PTPRN2: variants seen among roughly 807,000 people sequenced by gnomAD.
The protein encoded by PTPRN2 is protein tyrosine phosphatase receptor type N2.
PTPRN2 carries 74 observed loss-of-function variants against 118.8 expected under a neutral mutation model. The observed-to-expected ratio is 0.62, with a 90% CI of 0.52 to 0.76. PTPRN2 has a LOEUF of 0.76. Ranked by LOEUF, PTPRN2 falls within the 30% of genes least tolerant of loss-of-function variation. The pLI, the probability that PTPRN2 is intolerant of heterozygous loss-of-function variation, is 0.00. For synonymous variants in PTPRN2, 641 were observed against 608.0 expected, an observed-to-expected ratio of 1.05 and a Z score of -0.80; for missense variants, 1,481 against 1,394.4, an observed-to-expected ratio of 1.06 and a Z score of -0.99.
intron 12 of PTPRN2, among the ~76,000 whole-genome samples, chr7:157,723,403 G>A (rs568754432): frequency 2.0e-5 from 3 of 152,248 alleles, no homozygotes; most frequent in South Asian, 2.1e-4. Flanking sequence ...CTGAGCTCAC[G>A]GCTTCTCCCT....
At chr7:157,913,206 C>G (rs757399132) in intron 11 of PTPRN2, among the ~76,000 whole-genome samples, 4 of 152,104 alleles carry the variant, frequency 2.6e-5, no homozygotes, top group African/African-American at 9.7e-5. Context: ...TTTTAAACAG[C>G]ATTTTCTAAC....
chr7:157,775,579 T>G (rs2151035739), intron 12 of PTPRN2, among the ~76,000 whole-genome samples: 1 of 152,218 alleles, frequency 6.6e-6, no homozygotes, highest in South Asian at 2.1e-4. Context: ...CTGGGAAGGC[T>G]TCGTCCTCGG....
intron 21 of PTPRN2, among the ~76,000 whole-genome samples, chr7:157,561,556 G>T (rs113726723): frequency 3.3e-5 from 5 of 152,318 alleles, no homozygotes; most frequent in East Asian, 3.9e-4. Context: ...GACTGAGCAG[G>T]GTTCTGCATC....
At chr7:158,312,841 T>C (rs1328975803) in intron 3 of PTPRN2, among the ~76,000 whole-genome samples, 2 of 148,540 alleles carry the variant, frequency 1.3e-5, no homozygotes, top group Admixed American at 6.6e-5. Flanking sequence ...CACGTGAGCA[T>C]GGGTGTGTGT....
chr7:158,019,461 C>T (rs1442774087), intron 11 of PTPRN2, among the ~76,000 whole-genome samples: 2 of 152,338 alleles, frequency 1.3e-5, no homozygotes, highest in Non-Finnish European at 2.9e-5. Context: ...TCAGACAGCG[C>T]GGTAGAGGCC....
rs751460970 is a variant in PTPRN2 at position 157,682,928 on chromosome 7, G to A, written c.1798C>T (p.Leu600Phe). The A allele has an allele frequency of 6.2e-6, 10 of 1,612,396 alleles. No homozygotes were observed. Among genetic ancestry groups the A allele is most frequent in the Non-Finnish European group, 8.5e-6 (10 of 1,178,686 alleles). ...TCCGCCTGAGGAGGCAGGAACTTGAGTTTGCTTTTCTGCAGAACAAGGAGA... is the reference window on the plus strand; with the variant it reads ...TCCGCCTGAGGAGGCAGGAACTTGAATTTGCTTTTCTGCAGAACAAGGAGA... ...LQTGVGSKSK[L>F]KFLPPQAEQE... The change falls in exon 13 of 23, where the codon CTC (leucine) becomes TTC (phenylalanine). Residue 600 changes from leucine to phenylalanine, a missense_variant. Around this residue, in one of 3 missense-constraint regions of PTPRN2, gnomAD observed 1,115 missense variants for 994.2 expected, o/e 1.12. Coordinates refer to ENST00000389418, the MANE Select transcript of PTPRN2 (RefSeq NM_002847.5).
intron 12 of PTPRN2, among the ~76,000 whole-genome samples, chr7:157,820,272 C>G (rs545357962): frequency 1.3e-5 from 2 of 151,436 alleles, no homozygotes; most frequent in East Asian, 3.9e-4. Flanking sequence ...GACACACACA[C>G]GTGCACACAC....
At chr7:158,558,278 AC>A (rs746280213) in intron 1 of PTPRN2, among the ~76,000 whole-genome samples, 2 of 152,192 alleles carry the variant, frequency 1.3e-5, no homozygotes, top group Non-Finnish European at 2.9e-5. Context: ...GAGCCACTGC[AC>A]CCAGGTCTTT....
At chr7:157,651,269 TGTC>T (rs1203917525) in intron 14 of PTPRN2, among the ~76,000 whole-genome samples, 7 of 152,202 alleles carry the variant, frequency 4.6e-5, no homozygotes, top group African/African-American at 1.4e-4. Context: ...TTGGTTTTAA[TGTC>T]GTCATCTGTG....
At chr7:157,589,831 C>T (rs1264813651) in intron 17 of PTPRN2, among the ~76,000 whole-genome samples, 6 of 152,238 alleles carry the variant, frequency 3.9e-5, no homozygotes, top group Non-Finnish European at 7.3e-5. Flanking sequence ...CAAGTCCAGA[C>T]GCCAGCCGAG....
chr7:158,262,404 A>G (rs934325941), intron 3 of PTPRN2, among the ~76,000 whole-genome samples: 2 of 150,338 alleles, frequency 1.3e-5, no homozygotes, highest in African/African-American at 2.5e-5. Flanking sequence ...CACTGCACAC[A>G]CACATACATA....
Position 158,489,891 on chromosome 7 carries a change from A to T in PTPRN2, c.113-106T>A. The T allele has an allele frequency of 4.6e-6, 5 of 1,081,100 alleles. No homozygotes were observed. The Admixed American group carries it at 8.7e-5, about 19-fold the overall frequency. 67.0% of individuals were successfully genotyped at this position (1,081,100 alleles called of 1,614,324 possible). A position where few individuals can be genotyped will look rare whatever the true frequency, so the allele number is the denominator to read the frequency against. On this transcript the variant is annotated intron_variant, in intron 1 of 22. Transcript: ENST00000389418. ...GTGAATTTCAGAGAAACCGCCGGTC[A>T]AGCAGGCTCCTCCGACCCGGCTTTT...
chr7:158,257,018 G>C (rs1797063293), intron 3 of PTPRN2, among the ~76,000 whole-genome samples: 1 of 152,114 alleles, frequency 6.6e-6, no homozygotes, highest in Admixed American at 6.5e-5. Flanking sequence ...TAGTTCCCTG[G>C]AACAGGCATG....
chr7:158,481,094 G>C (rs1820611164), intron 2 of PTPRN2, among the ~76,000 whole-genome samples: 1 of 152,260 alleles, frequency 6.6e-6, no homozygotes, highest in Non-Finnish European at 1.5e-5. Flanking sequence ...TGACTTCAAA[G>C]CTTCAAAGCA....
In PTPRN2 at chr7:158,457,058, C is replaced by A. The variant is rs552040473; in HGVS notation, c.163+32677G>T. On this transcript the variant is annotated intron_variant, in intron 2 of 22. Transcript: ENST00000389418. ...TTCCATTAATTAAAAAAAAAGTCAT[C>A]TTGTAGTTAATTTGTTTGAATTAAT... Among the ~76,000 whole-genome samples the A allele has an allele frequency of 2.6e-5, 4 of 152,240 alleles. No individual in the cohort carries two copies. In the South Asian group the frequency reaches 8.3e-4, roughly 32 times the overall value.
At chr7:157,889,445 A>C (rs1432867651) in intron 12 of PTPRN2, among the ~76,000 whole-genome samples, 2 of 152,174 alleles carry the variant, frequency 1.3e-5, no homozygotes, top group African/African-American at 4.8e-5. Flanking sequence ...ACCAATCAGC[A>C]TTCCCTCCTC....
chr7:158,117,215 A>G (rs4909242), intron 9 of PTPRN2, among the ~76,000 whole-genome samples: 13,275 of 152,208 alleles, frequency 0.087, 609 homozygotes, highest in Non-Finnish European at 0.095. Flanking sequence ...TGAAAATGTC[A>G]AAGAGAAAAC....
At chr7:157,979,584 C>G (rs1367672162) in intron 11 of PTPRN2, among the ~76,000 whole-genome samples, 1 of 152,206 alleles carries the variant, frequency 6.6e-6, no homozygotes, top group Non-Finnish European at 1.5e-5. Context: ...GAAACTGAGG[C>G]AGCTGGTCCA....
At chr7:158,582,079 C>G (rs148915580) in intron 1 of PTPRN2, among the ~76,000 whole-genome samples, 12 of 152,310 alleles carry the variant, frequency 7.9e-5, no homozygotes, top group African/African-American at 2.9e-4. Context: ...CACACTGTTT[C>G]CACACTGTTT....
Sources: allele counts gnomAD v4.1 joint callset (sites outside exome capture counted in the v4.1 genomes callset), GRCh38; gene constraint gnomAD v4.1.1; regional missense constraint gnomAD v4.1.1; transcripts MANE v1.5; gene names NCBI Gene and HGNC (gene_info 2026-07-23, HGNC 2026-07-21).